HAUS6: variants seen among roughly 807,000 people sequenced by gnomAD.
HAUS6 encodes the protein HAUS augmin like complex subunit 6.
A neutral mutation model predicts 106.8 loss-of-function variants in HAUS6; 80 were observed. The ratio of observed to expected loss-of-function variants is 0.75; its 90% CI spans 0.63 to 0.90. The LOEUF is 0.90. Ranked by LOEUF, HAUS6 falls within the 40% of genes least tolerant of loss-of-function variation. The probability of loss-of-function intolerance (pLI) is 0.00; values close to 1 mark genes in which losing one functional copy is unlikely to be tolerated. For synonymous variants in HAUS6, 356 were observed against 379.1 expected, an observed-to-expected ratio of 0.94 and a Z score of 0.71; for missense variants, 1,155 against 1,118.1, an observed-to-expected ratio of 1.03 and a Z score of -0.47.
At chr9:19,101,547 C>T (rs1193997616) in intron 1 of HAUS6, among the ~76,000 whole-genome samples, 1 of 151,354 alleles carries the variant, frequency 6.6e-6, no homozygotes, top group Non-Finnish European at 1.5e-5. Context: ...AAGACCGAAG[C>T]AGGAGGATTG....
chr9:19,099,505 C>T (rs1391933949), intron 1 of HAUS6, among the ~76,000 whole-genome samples: 4 of 151,804 alleles, frequency 2.6e-5, no homozygotes, highest in East Asian at 1.9e-4. Context: ...ACTCTTGTTA[C>T]CCAGGCTGGA....
At chr9:19,093,415 A>G (rs1317252859) in intron 3 of HAUS6, 112 bp from the exon 4 acceptor site, 31 of 944,244 alleles carry the variant, frequency 3.3e-5, no homozygotes, top group Non-Finnish European at 5.0e-5. Flanking sequence ...GAAGTCCCAC[A>G]TTTTCATAAG....
intron 11 of HAUS6, among the ~76,000 whole-genome samples, chr9:19,070,858 T>C (rs1297581282): frequency 6.6e-6 from 1 of 152,186 alleles, no homozygotes; most frequent in Non-Finnish European, 1.5e-5. Flanking sequence ...ATACAGAATT[T>C]AAGGAGGCAG....
chr9:19,059,403 T>C (rs1450992707), intron 15 of HAUS6, among the ~76,000 whole-genome samples: 1 of 152,250 alleles, frequency 6.6e-6, no homozygotes, highest in Non-Finnish European at 1.5e-5. Flanking sequence ...AGCATGAAAG[T>C]AGCCATAAAC....
At chr9:19,063,691 C>T (rs774815132) in intron 12 of HAUS6, 111 bp from the exon 13 acceptor site, 7 of 821,690 alleles carry the variant, frequency 8.5e-6, no homozygotes, top group Admixed American at 6.8e-5. Flanking sequence ...TACGATTTCA[C>T]TCAATTCGTC....
chr9:19,081,790 G>T (rs893870873), intron 8 of HAUS6, among the ~76,000 whole-genome samples: 1 of 151,560 alleles, frequency 6.6e-6, no homozygotes. Context: ...TATGGGCCAG[G>T]CACACTGGCT....
chr9:19,090,347 T>A (rs1365464240), intron 4 of HAUS6, among the ~76,000 whole-genome samples: 1 of 152,160 alleles, frequency 6.6e-6, no homozygotes, highest in Non-Finnish European at 1.5e-5. Context: ...AAGAGCTACT[T>A]TGCTTCCAAA....
At position 19,080,683 on chromosome 9, in the gene HAUS6, A is replaced by G. The variant is rs1168026421; in HGVS notation, c.871-11T>C. 1 of 1,554,472 alleles carries G rather than the reference A, an allele frequency of 6.4e-7. No homozygotes were observed. The highest frequency in any genetic ancestry group is 1.9e-5 in the Admixed American group (1 of 53,842). ...ATTTCCTATGTGCAACTAAGGAATC[A>G]GGAGGAGAAAAAAATTGGTGAACTA... On this transcript the variant is annotated splice_polypyrimidine_tract_variant and intron_variant, in intron 8 of 16. Coordinates refer to ENST00000380502, the MANE Select transcript of HAUS6 (RefSeq NM_017645.5).
chr9:19,063,998 G>A (rs1315928180), intron 12 of HAUS6, among the ~76,000 whole-genome samples: 8 of 140,742 alleles, frequency 5.7e-5, no homozygotes, highest in Admixed American at 1.5e-4. Context: ...ACGGAGTTTC[G>A]CTCTTGTTGC....
At chr9:19,064,149 T>G (rs956118103) in intron 12 of HAUS6, among the ~76,000 whole-genome samples, 1 of 152,056 alleles carries the variant, frequency 6.6e-6, no homozygotes, top group African/African-American at 2.4e-5. Context: ...GTCTTTTTAG[T>G]AGAGATGGGC....
intron 5 of HAUS6, among the ~76,000 whole-genome samples, chr9:19,088,555 A>T (rs1588621957): frequency 6.6e-6 from 1 of 152,134 alleles, no homozygotes; most frequent in South Asian, 2.1e-4. Flanking sequence ...TACAAAGCAC[A>T]TAAGAAAACT....
Position 19,054,464 on chromosome 9 carries a change from A to G in HAUS6, c.*1879T>C, listed in dbSNP as rs1408539390. On this transcript the variant is annotated 3_prime_UTR_variant, in exon 17 of 17. Coordinates refer to ENST00000380502, the MANE Select transcript of HAUS6 (RefSeq NM_017645.5). ...GAGAAGAAAGTGACAGATCTGAGAT[A>G]CTTTTTGTTTATGGTACTGGCATAT... 2 of 152,228 alleles carry G rather than the reference A, an allele frequency of 1.3e-5. No homozygotes were observed. Among genetic ancestry groups the G allele is most frequent in the African/African-American group, 4.8e-5 (2 of 41,472 alleles). The allele number at this position is 152,228 out of a possible 1,614,324, so 9.4% of individuals were successfully genotyped here. A position where few individuals can be genotyped will look rare whatever the true frequency, so the allele number is the denominator to read the frequency against.
In HAUS6 at chr9:19,080,481, C is replaced by T. The variant is rs1176738821; in HGVS notation, c.1062G>A (p.Met354Ile). The T allele has an allele frequency of 1.6e-5, 26 of 1,593,132 alleles. No homozygotes were observed. Among genetic ancestry groups the T allele is most frequent in the Non-Finnish European group, 2.1e-5 (25 of 1,162,898 alleles). Residue 354 changes from methionine (M) to isoleucine (I), a missense_variant and splice_region_variant, in exon 9 of 17, where the codon ATG (methionine) becomes ATA (isoleucine). By Grantham distance (10) the Met-to-Ile change is conservative. Transcript: ENST00000380502. The part of the protein sequence containing the change: ...QKERLSDLKH[M>I]RYRIKDDLTT... The stretch of plus-strand genomic sequence containing the variant: ...AATAACAGATCTTTTTAGTGTACCT[C>T]ATATGTTTCAGATCTGATAATCTTT...
chr9:19,099,029 A>G (rs1817926008), intron 1 of HAUS6, among the ~76,000 whole-genome samples: 1 of 151,204 alleles, frequency 6.6e-6, no homozygotes, highest in African/African-American at 2.4e-5. Context: ...AAAAAAAAAA[A>G]AAAAAGAAAA....
chr9:19,065,201 C>T (rs1345475670), intron 12 of HAUS6: 1 of 152,210 alleles, frequency 6.6e-6, no homozygotes, highest in Non-Finnish European at 1.5e-5. Context: ...TGGCAACATG[C>T]TATTAAACCT....
intron 12 of HAUS6, among the ~76,000 whole-genome samples, chr9:19,067,860 T>A (rs1836796431): frequency 1.3e-5 from 2 of 151,904 alleles, no homozygotes; most frequent in African/African-American, 2.4e-5. Flanking sequence ...ACCCAGCTAA[T>A]TTTTTGTATT....
chr9:19,091,828 A>G (rs557773290), intron 4 of HAUS6, among the ~76,000 whole-genome samples: 14 of 152,056 alleles, frequency 9.2e-5, no homozygotes, highest in African/African-American at 3.1e-4. Flanking sequence ...TGCCAGGTTC[A>G]TTTTTGTATT....
chr9:19,091,301 GA>G (rs34918267), intron 4 of HAUS6, among the ~76,000 whole-genome samples: 54,475 of 136,846 alleles, frequency 0.4, 10,700 homozygotes, highest in Non-Finnish European at 0.46. Flanking sequence ...CTTCGTCTGC[GA>G]AAAAAAAAAA....
At chr9:19,068,376 A>T (rs907243291) in intron 12 of HAUS6, among the ~76,000 whole-genome samples, 1 of 150,802 alleles carries the variant, frequency 6.6e-6, no homozygotes, top group Non-Finnish European at 1.5e-5. Flanking sequence ...ACTAGATTAC[A>T]GGTCCTCAGA....
Sources: gnomAD v4.1 joint callset for allele counts (sites outside exome capture counted in the v4.1 genomes callset) on GRCh38, gnomAD v4.1.1 for gene constraint, MANE v1.5 for transcripts, NCBI Gene and HGNC (gene_info 2026-07-23, HGNC 2026-07-21) for gene names.